The following CPA6 variants were observed in gnomAD, a reference collection of about 807,000 sequenced individuals.
CPA6 encodes the protein carboxypeptidase B.
In CPA6, 58 loss-of-function variants were observed where a neutral mutation model predicts 63.3. That is an observed-to-expected ratio of 0.92 (90% confidence interval 0.74 to 1.14). CPA6 has a LOEUF of 1.14. CPA6 is among the 50% of genes most tolerant of loss of function. The pLI, the probability that CPA6 is intolerant of heterozygous loss-of-function variation, is 0.00. For synonymous variants in CPA6, 185 were observed against 179.0 expected, an observed-to-expected ratio of 1.03 and a Z score of -0.27; for missense variants, 565 against 526.6, an observed-to-expected ratio of 1.07 and a Z score of -0.71.
At chr8:67,428,896 G>C (rs1051670406) in intron 9 of CPA6, among the ~76,000 whole-genome samples, 1 of 152,190 alleles carries the variant, frequency 6.6e-6, no homozygotes. Flanking sequence ...ACAGATGCTT[G>C]ATCAATATTT....
chr8:67,667,113 A>G (rs1185802929), intron 1 of CPA6, among the ~76,000 whole-genome samples: 2 of 152,186 alleles, frequency 1.3e-5, no homozygotes, highest in Non-Finnish European at 2.9e-5. Context: ...TGGCATCTAC[A>G]CAGACTCAGG....
At chr8:67,607,231 CTTCTTCTTCTTCTTCTT>C (rs1814682856) in intron 2 of CPA6, among the ~76,000 whole-genome samples, 3 of 117,156 alleles carry the variant, frequency 2.6e-5, no homozygotes, top group Non-Finnish European at 3.4e-5. Flanking sequence ...TCTTCTTCTT[CTTCTTCTTCTTCTTCTT>C]CTTCTCCTCC....
intron 8 of CPA6, among the ~76,000 whole-genome samples, chr8:67,436,786 A>G (rs569907735): frequency 1.8e-4 from 27 of 152,358 alleles, no homozygotes; most frequent in Middle Eastern, 6.8e-3. Context: ...ATGTGGAAAT[A>G]ATTAGATTTT....
At chr8:67,561,146 A>T (rs894626039) in intron 2 of CPA6, among the ~76,000 whole-genome samples, 1 of 152,080 alleles carries the variant, frequency 6.6e-6, no homozygotes, top group Non-Finnish European at 1.5e-5. Flanking sequence ...ATTACTACAA[A>T]TTGCTTATAG....
intron 8 of CPA6, among the ~76,000 whole-genome samples, chr8:67,446,012 C>T (rs1442205248): frequency 6.6e-6 from 1 of 152,138 alleles, no homozygotes; most frequent in East Asian, 1.9e-4. Context: ...CGCCTGTAAT[C>T]CCAGCACTTT....
At chr8:67,442,088 A>G (rs1348501649) in intron 8 of CPA6, among the ~76,000 whole-genome samples, 1 of 152,188 alleles carries the variant, frequency 6.6e-6, no homozygotes, top group East Asian at 1.9e-4. Context: ...AAACACAAAT[A>G]TATATGACAA....
intron 8 of CPA6, among the ~76,000 whole-genome samples, chr8:67,465,082 C>T (rs1810896537): frequency 1.3e-5 from 2 of 152,176 alleles, no homozygotes; most frequent in Admixed American, 6.5e-5. Flanking sequence ...AGCATGGAAT[C>T]TGTAGACAGC....
intron 2 of CPA6, among the ~76,000 whole-genome samples, chr8:67,579,471 G>C (rs900116): frequency 1.3e-5 from 2 of 151,958 alleles, no homozygotes; most frequent in Admixed American, 6.6e-5. Flanking sequence ...GAAATCCCCC[G>C]ACTAATCCAT....
intron 1 of CPA6, among the ~76,000 whole-genome samples, chr8:67,705,043 C>A (rs1212370165): frequency 6.6e-6 from 1 of 152,170 alleles, no homozygotes; most frequent in Admixed American, 6.5e-5. Context: ...ACAGGCTCAA[C>A]TATTGGCTGT....
chr8:67,697,240 C>T (rs1423913802), intron 1 of CPA6, among the ~76,000 whole-genome samples: 6 of 152,214 alleles, frequency 3.9e-5, no homozygotes, highest in Non-Finnish European at 7.3e-5. Context: ...TGAGCTAAAG[C>T]CACTGGGGGC....
At chr8:67,503,930 T>A (rs1188311881) in intron 6 of CPA6, among the ~76,000 whole-genome samples, 1 of 151,898 alleles carries the variant, frequency 6.6e-6, no homozygotes, top group Non-Finnish European at 1.5e-5. Context: ...CAGGCCCCAG[T>A]GTGTGATGTT....
intron 1 of CPA6, among the ~76,000 whole-genome samples, chr8:67,678,272 T>C (rs1449232594): frequency 2.3e-5 from 3 of 130,154 alleles, no homozygotes; most frequent in Non-Finnish European, 5.1e-5. Context: ...CAAACCCTGA[T>C]GAAATAAACT....
chr8:67,720,112 G>A (rs1273213713), intron 1 of CPA6, among the ~76,000 whole-genome samples: 2 of 151,958 alleles, frequency 1.3e-5, no homozygotes, highest in Non-Finnish European at 2.9e-5. Context: ...ATTTGGGTAG[G>A]TAAAGGAAAA....
chr8:67,425,577 T>C (rs1013387514), intron 10 of CPA6, among the ~76,000 whole-genome samples: 2 of 152,188 alleles, frequency 1.3e-5, no homozygotes, highest in African/African-American at 4.8e-5. Flanking sequence ...GGTTTCACCA[T>C]GTTAGCCAGG....
At chr8:67,472,818 T>C (rs568989809) in intron 8 of CPA6, among the ~76,000 whole-genome samples, 7 of 152,348 alleles carry the variant, frequency 4.6e-5, no homozygotes, top group African/African-American at 1.7e-4. Context: ...ATGTTATAAA[T>C]AAACTAGATA....
intron 9 of CPA6, among the ~76,000 whole-genome samples, chr8:67,429,016 A>G (rs1387245416): frequency 1.3e-5 from 2 of 152,194 alleles, no homozygotes; most frequent in Non-Finnish European, 2.9e-5. Context: ...AACACATCTG[A>G]ATCAATTAAG....
intron 1 of CPA6, among the ~76,000 whole-genome samples, chr8:67,714,141 G>T: frequency 6.6e-6 from 1 of 152,024 alleles, no homozygotes; most frequent in Non-Finnish European, 1.5e-5. Context: ...AAATGTATCT[G>T]TTTATTATAC....
chr8:67,427,334 C>G (rs72654982), intron 10 of CPA6, among the ~76,000 whole-genome samples: 4,038 of 152,252 alleles, frequency 0.027, 99 homozygotes, highest in Middle Eastern at 0.051. Flanking sequence ...ATTTATCGTT[C>G]CTTGTCCAAA....
chr8:67,555,401 T>TGGG (rs746000019), intron 2 of CPA6, among the ~76,000 whole-genome samples: 5 of 152,126 alleles, frequency 3.3e-5, no homozygotes, highest in Non-Finnish European at 7.4e-5. Context: ...TGATGGTGTG[T>TGGG]GGGGAGCTTA....
Sources: allele counts gnomAD v4.1 joint callset (sites outside exome capture counted in the v4.1 genomes callset), GRCh38; gene constraint gnomAD v4.1.1; transcripts MANE v1.5; gene names NCBI Gene and HGNC (gene_info 2026-07-23, HGNC 2026-07-21).